MYZAP: variants seen among roughly 807,000 people sequenced by gnomAD.
MYZAP encodes the protein myocardial zonula adherens protein.
A neutral mutation model predicts 69.4 loss-of-function variants in MYZAP; 66 were observed. The observed-to-expected ratio is 0.95, with a 90% CI of 0.78 to 1.17. The LOEUF is 1.17. MYZAP is among the 50% of genes most tolerant of loss of function. The probability of loss-of-function intolerance (pLI) is 0.00; values close to 1 mark genes in which losing one functional copy is unlikely to be tolerated. For missense variants in MYZAP, 611 were observed against 556.2 expected (o/e 1.10, Z -0.99); for synonymous variants, 256 against 205.9 (o/e 1.24, Z -2.09).
chr15:57,600,363 C>A (rs745432333), intron 1 of MYZAP, among the ~76,000 whole-genome samples: 3 of 152,240 alleles, frequency 2.0e-5, no homozygotes, highest in Non-Finnish European at 4.4e-5. Flanking sequence ...CCTGCTGCAA[C>A]TGCCAAATGT....
Position 57,631,509 on chromosome 15 carries a change from C to T in MYZAP, c.679-925C>T, listed in dbSNP as rs116066040. ...AGGAACTCAGGGTATGTTACATGAC[C>T]TGGATGCAGAGTGAATGGGCCTCCA... On this transcript the variant is annotated intron_variant, in intron 6 of 12. Coordinates refer to ENST00000267853, the MANE Select transcript of MYZAP (RefSeq NM_001018100.5). 3.5e-3 allele frequency among the ~76,000 whole-genome samples: 533 copies of T among 151,516 alleles called. 8 individuals are homozygous for T. The highest frequency in any genetic ancestry group is 0.012 in the African/African-American group (507 of 41,350).
At chr15:57,617,358 G>C (rs547752374) in intron 2 of MYZAP, among the ~76,000 whole-genome samples, 1 of 152,264 alleles carries the variant, frequency 6.6e-6, no homozygotes, top group South Asian at 2.1e-4. Context: ...ATAAAGGCGT[G>C]TTAAGGCTTG....
At chr15:57,629,645 A>T in intron 5 of MYZAP, 57 bp from the exon 6 acceptor site, 1 of 1,579,148 alleles carries the variant, frequency 6.3e-7, no homozygotes, top group Non-Finnish European at 8.6e-7. Context: ...CATGTGGTGC[A>T]GCCCATGTGT....
chr15:57,603,410 G>A (rs1361459472), intron 1 of MYZAP, among the ~76,000 whole-genome samples: 1 of 151,980 alleles, frequency 6.6e-6, no homozygotes, highest in East Asian at 1.9e-4. Context: ...ACACTGTTGT[G>A]CAACTGGCAC....
At position 57,656,974 on chromosome 15, in the gene MYZAP, C is replaced by G. The variant is rs1331381448; in HGVS notation, c.1120-4476C>G. ...AGTGTCTCTCCAGACTAGCATCAGC[C>G]CTCTGCTCTCTCATGAGAAGTCTAG... is the stretch of plus-strand genomic sequence containing the variant. On this transcript the variant is annotated intron_variant, in intron 10 of 12. Coordinates refer to ENST00000267853, the MANE Select transcript of MYZAP (RefSeq NM_001018100.5). Among the ~76,000 whole-genome samples, 3 of 152,156 alleles carry G rather than the reference C, an allele frequency of 2.0e-5. No individual in the cohort carries two copies. The East Asian group carries it at 5.8e-4, about 29-fold the overall frequency.
intron 10 of MYZAP, among the ~76,000 whole-genome samples, chr15:57,658,522 G>T (rs1328402675): frequency 6.6e-6 from 1 of 152,046 alleles, no homozygotes; most frequent in Non-Finnish European, 1.5e-5. Context: ...CATCTCTCCC[G>T]ACTACTTTTA....
chr15:57,632,186 T>C (rs2036545365), intron 6 of MYZAP, among the ~76,000 whole-genome samples: 2 of 152,210 alleles, frequency 1.3e-5, no homozygotes. Context: ...AAAAAGTCAC[T>C]CATGTGGAGC....
intron 10 of MYZAP, among the ~76,000 whole-genome samples, chr15:57,654,257 T>C (rs1446216600): frequency 6.6e-6 from 1 of 152,084 alleles, no homozygotes; most frequent in Non-Finnish European, 1.5e-5. Context: ...CAAGTTTTAG[T>C]GTGACATCTT....
chr15:57,622,981 C>A (rs530581413), intron 4 of MYZAP, among the ~76,000 whole-genome samples: 2 of 151,986 alleles, frequency 1.3e-5, no homozygotes, highest in African/African-American at 4.8e-5. Context: ...AGATCCCCCA[C>A]GAATCAAGAA....
intron 10 of MYZAP, among the ~76,000 whole-genome samples, chr15:57,659,280 C>A (rs994185931): frequency 6.6e-6 from 1 of 152,046 alleles, no homozygotes; most frequent in African/African-American, 2.4e-5. Flanking sequence ...TGAGCCATTC[C>A]ACCAAGATGT....
chr15:57,635,545 A>C (rs924996187), intron 8 of MYZAP, among the ~76,000 whole-genome samples: 1 of 152,228 alleles, frequency 6.6e-6, no homozygotes. Context: ...AGGAAACACA[A>C]AACCTTCCCC....
intron 10 of MYZAP, among the ~76,000 whole-genome samples, chr15:57,649,973 A>G (rs1387373365): frequency 6.6e-6 from 1 of 152,152 alleles, no homozygotes; most frequent in Non-Finnish European, 1.5e-5. Context: ...AGGGACTTGC[A>G]TCTATTTTGT....
At position 57,684,832 on chromosome 15, in the gene MYZAP, G is replaced by A. The variant is rs1595954883; in HGVS notation, c.*334G>A. ...CTAGACTTTGGTTGGGAGGGAAAAGGACATTAATTTGAAGTTTCATGTTAT... is the reference window on the plus strand; with the variant it reads ...CTAGACTTTGGTTGGGAGGGAAAAGAACATTAATTTGAAGTTTCATGTTAT... On this transcript the variant is annotated 3_prime_UTR_variant, in exon 13 of 13. Transcript: ENST00000267853. 1 of 185,748 alleles carries A rather than the reference G, an allele frequency of 5.4e-6. No homozygotes were observed. The highest frequency in any genetic ancestry group is 1.5e-4 in the East Asian group (1 of 6,826). The allele number at this position is 185,748 out of a possible 1,614,324, so 11.5% of individuals were successfully genotyped here. A position where few individuals can be genotyped will look rare whatever the true frequency, so the allele number is the denominator to read the frequency against.
intron 2 of MYZAP, among the ~76,000 whole-genome samples, chr15:57,612,354 G>T (rs1213167532): frequency 6.6e-6 from 1 of 152,158 alleles, no homozygotes. Flanking sequence ...GTCTGCTATT[G>T]TCAGTTTGAT....
chr15:57,667,323 C>T (rs1206759894), intron 11 of MYZAP, among the ~76,000 whole-genome samples: 2 of 152,166 alleles, frequency 1.3e-5, no homozygotes, highest in African/African-American at 4.8e-5. Flanking sequence ...GGGAGGTGAC[C>T]GCCAAACATT....
intron 9 of MYZAP, among the ~76,000 whole-genome samples, chr15:57,639,218 T>A (rs112324641): frequency 0.027 from 4,016 of 149,030 alleles, 159 homozygotes; most frequent in African/African-American, 0.084. Flanking sequence ...TTATTTATTT[T>A]TTTTTTTTGT....
chr15:57,637,893 G>C, intron 9 of MYZAP, 119 bp downstream of exon 9: 2 of 1,075,988 alleles, frequency 1.9e-6, no homozygotes, highest in Non-Finnish European at 2.7e-6. Context: ...ACAGACTTAA[G>C]CATACATAAC....
At chr15:57,599,743 C>T in intron 1 of MYZAP, 1 of 1,274,180 alleles carries the variant, frequency 7.8e-7, no homozygotes, top group South Asian at 1.2e-5. Flanking sequence ...GGAGATTTTC[C>T]CATGGGGAGA....
chr15:57,684,717 G>A lies in MYZAP; in HGVS notation c.*219G>A, dbSNP rs148995672. 9.6e-4 allele frequency: 421 copies of A among 440,588 alleles called. 2 individuals are homozygous for A. The highest frequency in any genetic ancestry group is 4.5e-4 in the Non-Finnish European group (113 of 249,416). 27.3% of individuals were successfully genotyped at this position (440,588 alleles called of 1,614,324 possible). A position where few individuals can be genotyped will look rare whatever the true frequency, so the allele number is the denominator to read the frequency against. ...AAGGTCACATTTCAGACACCCACTCGGCATACCCTGCCGTACTGCATCATC... is the reference window on the plus strand; with the variant it reads ...AAGGTCACATTTCAGACACCCACTCAGCATACCCTGCCGTACTGCATCATC... On this transcript the variant is annotated 3_prime_UTR_variant, in exon 13 of 13. Coordinates refer to ENST00000267853, the MANE Select transcript of MYZAP (RefSeq NM_001018100.5).
Sources: allele counts gnomAD v4.1 joint callset (sites outside exome capture counted in the v4.1 genomes callset), GRCh38; gene constraint gnomAD v4.1.1; transcripts MANE v1.5; gene names NCBI Gene and HGNC (gene_info 2026-07-23, HGNC 2026-07-21).